The following SMARCE1 variants were observed in gnomAD, a reference collection of about 807,000 sequenced individuals.
The protein encoded by SMARCE1 is SWI/SNF related BAF chromatin remodeling complex subunit E1.
Under a neutral mutation model 54.9 loss-of-function variants are expected in SMARCE1, and 13 were observed. That is an observed-to-expected ratio of 0.24 (90% CI 0.15 to 0.38). The LOEUF (loss-of-function observed/expected upper bound fraction) is 0.38. Ranked by LOEUF, SMARCE1 falls within the 10% of genes least tolerant of loss-of-function variation. The pLI is 1.00. For missense variants in SMARCE1, 295 were observed against 523.8 expected (o/e 0.56, Z 4.26); for synonymous variants, 151 against 175.3 (o/e 0.86, Z 1.10).
In SMARCE1 at chr17:40,630,709, G is replaced by C. The variant is rs771556643; in HGVS notation, c.1027+5C>G. ...CTGCCTCTGCGTTTGTTGCTAGTGG[G>C]TTACCTGTCTCCATCGGAATGTTCT... is the stretch of plus-strand genomic sequence containing the variant. On this transcript the variant is annotated splice_donor_5th_base_variant and intron_variant, in intron 10 of 10. Coordinates refer to ENST00000348513, the MANE Select transcript of SMARCE1 (RefSeq NM_003079.5). The C allele has an allele frequency of 1.2e-6, 2 of 1,612,510 alleles. No individual in the cohort carries two copies. Among genetic ancestry groups the C allele is most frequent in the Non-Finnish European group, 8.5e-7 (1 of 1,178,700 alleles).
chr17:40,630,570 A>G, intron 10 of SMARCE1, 144 bp downstream of exon 10: 1 of 703,812 alleles, frequency 1.4e-6, no homozygotes, highest in Non-Finnish European at 2.5e-6. Flanking sequence ...AAAATACTGA[A>G]TGTCAATATC....
chr17:40,636,422 T>C lies in SMARCE1; in HGVS notation c.342A>G (p.Glu114=), dbSNP rs2143997291. The change falls in exon 6 of 11, where the codon GAA becomes GAG. Residue 114 remains glutamate (E), a synonymous_variant. Transcript: ENST00000348513. ...WRDLTDEEKQ[E]YLNEYEAEKI... ...TTTCTGCTTCGTATTCGTTTAAATA[T>C]TCTTGTTTTTCTTCATCAGTGAGAT... 1 of 1,612,068 alleles carries C rather than the reference T, an allele frequency of 6.2e-7. No individual in the cohort carries two copies.
intron 1 of SMARCE1, among the ~76,000 whole-genome samples, chr17:40,647,069 A>C (rs1019424429): frequency 1.3e-5 from 2 of 148,308 alleles, no homozygotes; most frequent in Non-Finnish European, 3.0e-5. Context: ...TAATACTTTA[A>C]AATTATTGCT....
chr17:40,642,435 G>A lies in SMARCE1; in HGVS notation c.156+20C>T, dbSNP rs759489225. 1.5e-5 allele frequency: 21 copies of A among 1,393,032 alleles called. No homozygotes were observed. The highest frequency in any genetic ancestry group is 1.1e-4 in the East Asian group (5 of 43,904). 86.3% of individuals were successfully genotyped at this position (1,393,032 alleles called of 1,614,324 possible). ...CAATTCCAGTTGTTTGCCGGATGCTGTAATAGTTGATTCTCCTACCGTGAC... is the reference window on the plus strand; with the variant it reads ...CAATTCCAGTTGTTTGCCGGATGCTATAATAGTTGATTCTCCTACCGTGAC... On this transcript the variant is annotated intron_variant, in intron 4 of 10. Transcript: ENST00000348513. This position sits in a 1 kb window ranked among gnomAD's most constrained non-coding sequence, Gnocchi z 4.6.
chr17:40,630,425 T>C (rs2037081316), intron 10 of SMARCE1: 1 of 640,512 alleles, frequency 1.6e-6, no homozygotes, highest in Non-Finnish European at 2.8e-6. Flanking sequence ...GTTCCAGTTT[T>C]ATTTACAAAA....
In SMARCE1 at chr17:40,642,746, T is replaced by C. The variant is rs896940331; in HGVS notation, c.52-187A>G. On this transcript the variant is annotated intron_variant, in intron 3 of 10. Coordinates refer to ENST00000348513, the MANE Select transcript of SMARCE1 (RefSeq NM_003079.5). This position sits in a 1 kb window ranked among gnomAD's most constrained non-coding sequence, Gnocchi z 4.6. ...TATTTTTCTTTCATTGAGAAACCTG[T>C]CTGCAGTGTCTTTTGGTTGTTTTTC... 1.1e-5 allele frequency: 6 copies of C among 556,836 alleles called. No homozygotes were observed. The highest frequency in any genetic ancestry group is 1.6e-5 in the Non-Finnish European group (5 of 317,804). The allele number at this position is 556,836 out of a possible 1,614,324, so 34.5% of individuals were successfully genotyped here. A position where few individuals can be genotyped will look rare whatever the true frequency, so the allele number is the denominator to read the frequency against.
At chr17:40,645,336 C>G (rs2037245143) in intron 3 of SMARCE1, 1 of 414,402 alleles carries the variant, frequency 2.4e-6, no homozygotes, top group Non-Finnish European at 4.2e-6. Flanking sequence ...AAAGAAAAAA[C>G]AAAACAAACT....
chr17:40,633,998 G>A (rs1190995257), intron 7 of SMARCE1: 1 of 152,214 alleles, frequency 6.6e-6, no homozygotes, highest in Non-Finnish European at 1.5e-5. Context: ...CATGTTAGTC[G>A]TCTGCTTCCT....
chr17:40,635,209 C>A (rs1222243600), intron 7 of SMARCE1: 2 of 151,542 alleles, frequency 1.3e-5, no homozygotes, highest in South Asian at 4.2e-4. Flanking sequence ...AAGCTTCTAA[C>A]CTTTTGCACA....
Position 40,642,465 on chromosome 17 carries a change from C to T in SMARCE1, c.146G>A (p.Ser49Asn), listed in dbSNP as rs2037209126. 6.3e-7 allele frequency: 1 copy of T among 1,595,272 alleles called. No homozygotes were observed. Among genetic ancestry groups the T allele is most frequent in the Admixed American group, 1.7e-5 (1 of 59,994 alleles). ...AGTTGATTCTCCTACCGTGACCCGG[C>T]TGTTGGTGCCCGGGTTCCCTCCCAG... ...YRLGGNPGTN[S>N]RVTASSGITI... The change falls in exon 4 of 11, where the codon AGC (serine) becomes AAC (asparagine). Residue 49 changes from serine to asparagine, a missense_variant. Coordinates refer to ENST00000348513, the MANE Select transcript of SMARCE1 (RefSeq NM_003079.5). The surrounding 1 kb of genome is among the most constrained non-coding windows in gnomAD (Gnocchi z 4.6).
chr17:40,636,732 C>G (rs1597746453), intron 5 of SMARCE1: 1 of 462,184 alleles, frequency 2.2e-6, no homozygotes. Flanking sequence ...TAAGATAGAT[C>G]TCAGACATCA....
intron 7 of SMARCE1, chr17:40,633,191 G>T (rs1372394497): frequency 6.6e-6 from 1 of 152,158 alleles, no homozygotes; most frequent in Non-Finnish European, 1.5e-5. Context: ...TGTATTTTTA[G>T]TAGAGATGGG....
rs149613910 is a variant in SMARCE1 at position 40,636,413 on chromosome 17, G to A, written c.351C>T (p.Asn117=). ...ACCCTACCTTTTCTGCTTCGTATTC[G>A]TTTAAATATTCTTGTTTTTCTTCAT... ...LTDEEKQEYL[N]EYEAEKIEYN... is the part of the protein sequence containing the mutation. The change falls in exon 6 of 11, where the codon AAC becomes AAT. Residue 117 remains asparagine (N), a synonymous_variant. Coordinates refer to ENST00000348513, the MANE Select transcript of SMARCE1 (RefSeq NM_003079.5). 1,034 of 1,611,612 alleles carry A rather than the reference G, an allele frequency of 6.4e-4. 2 individuals carry two copies. Among genetic ancestry groups the A allele is most frequent in the Non-Finnish European group, 8.1e-4 (952 of 1,179,280 alleles).
rs2037058900 is a variant in SMARCE1 at position 40,628,729 on chromosome 17, C to CA, written c.*55dup. 2 of 1,480,114 alleles carry CA rather than the reference C, an allele frequency of 1.4e-6. No homozygotes were observed. The highest frequency in any genetic ancestry group is 1.7e-4 in the Middle Eastern group (1 of 5,754). 91.7% of individuals were successfully genotyped at this position (1,480,114 alleles called of 1,614,324 possible). A position where few individuals can be genotyped will look rare whatever the true frequency, so the allele number is the denominator to read the frequency against. On this transcript the variant is annotated 3_prime_UTR_variant, in exon 11 of 11. Coordinates refer to ENST00000348513, the MANE Select transcript of SMARCE1 (RefSeq NM_003079.5). ...ACAAACCACGTAACACCATTAAAAC[C>CA]AAAAAACATTTTTTCATTAAAAAAA... is the stretch of plus-strand genomic sequence containing the variant.
Position 40,628,658 on chromosome 17 carries a change from C to A in SMARCE1, c.*127G>T. On this transcript the variant is annotated 3_prime_UTR_variant, in exon 11 of 11. Coordinates refer to ENST00000348513, the MANE Select transcript of SMARCE1 (RefSeq NM_003079.5). ...ATTAGGCTCATGATGCTAAATGGTC[C>A]AAAAGCCTTTGGTGGTGTGATATGG... The A allele has an allele frequency of 1.4e-6, 1 of 694,960 alleles. No homozygotes were observed. The allele number at this position is 694,960 out of a possible 1,614,324, so 43.0% of individuals were successfully genotyped here. A position where few individuals can be genotyped will look rare whatever the true frequency, so the allele number is the denominator to read the frequency against.
chr17:40,631,757 G>T, intron 8 of SMARCE1, 64 bp from the exon 9 acceptor site: 1 of 879,490 alleles, frequency 1.1e-6, no homozygotes. Flanking sequence ...CTTTCAAACA[G>T]TGTACCAAAT....
At position 40,628,862 on chromosome 17, in the gene SMARCE1, T is replaced by G. The variant is rs1270010378; in HGVS notation, c.1159A>C (p.Thr387Pro). 1.9e-6 allele frequency: 3 copies of G among 1,613,814 alleles called. No homozygotes were observed. The African/African-American group carries it at 4.0e-5, about 22-fold the overall frequency. ...MAEEGTSDSN[T>P]GSESNSATVE... is the part of the protein sequence containing the mutation. ...GTTGCACTGTTGCTCTCCGAGCCAG[T>G]GTTACTATCACTGGTTCCTTCCTCT... Residue 387 changes from threonine to proline, a missense_variant, in exon 11 of 11, where the codon ACT (threonine) becomes CCT (proline). Physicochemically the swap from Thr to Pro is conservative, Grantham distance 38. Around this residue, in one of 5 missense-constraint regions of SMARCE1, gnomAD observed 147 missense variants for 161.4 expected, o/e 0.91. Coordinates refer to ENST00000348513, the MANE Select transcript of SMARCE1 (RefSeq NM_003079.5).
At chr17:40,630,159 G>T in intron 10 of SMARCE1, 1 of 941,630 alleles carries the variant, frequency 1.1e-6, no homozygotes, top group Admixed American at 2.2e-5. Context: ...AATGTAATCA[G>T]TACTTTATGT....
chr17:40,640,437 C>CCCTG (rs2037186793), intron 4 of SMARCE1: 1 of 152,244 alleles, frequency 6.6e-6, no homozygotes, highest in African/African-American at 2.4e-5. Context: ...ACCCAATGTT[C>CCCTG]TCTACAGCCT....
Sources: allele counts gnomAD v4.1 joint callset (sites outside exome capture counted in the v4.1 genomes callset), GRCh38; gene constraint gnomAD v4.1.1; regional missense constraint gnomAD v4.1.1; non-coding constraint Gnocchi (gnomAD v3.1); transcripts MANE v1.5; gene names NCBI Gene and HGNC (gene_info 2026-07-23, HGNC 2026-07-21).